The following GPRC5C variants were observed in gnomAD, a reference collection of about 807,000 sequenced individuals.
GPRC5C encodes the protein G protein-coupled receptor family C group 5 member C.
A neutral mutation model predicts 31.4 loss-of-function variants in GPRC5C; 22 were observed. The ratio of observed to expected loss-of-function variants is 0.70; its 90% CI spans 0.50 to 1.00. The LOEUF (loss-of-function observed/expected upper bound fraction) is 1.00. Ranked by LOEUF, GPRC5C falls within the 50% of genes least tolerant of loss-of-function variation. GPRC5C has a pLI of 0.00. For missense variants in GPRC5C, 557 were observed against 597.2 expected, an observed-to-expected ratio of 0.93 and a Z score of 0.70; for synonymous variants, 249 against 257.5, an observed-to-expected ratio of 0.97 and a Z score of 0.32.
At chr17:74,435,379 T>C (rs1377027700) in intron 1 of GPRC5C, among the ~76,000 whole-genome samples, 2 of 152,180 alleles carry the variant, frequency 1.3e-5, no homozygotes. Context: ...CCTGAGTCCA[T>C]GTATTTCTGT....
chr17:74,447,959 A>G (rs1467075695), downstream of GPRC5C, among the ~76,000 whole-genome samples: 6 of 152,230 alleles, frequency 3.9e-5, no homozygotes, highest in African/African-American at 1.2e-4. Context: ...TGGGTTGACA[A>G]AAGTGCAAAG....
chr17:74,448,293 T>A (rs4789663), downstream of GPRC5C, among the ~76,000 whole-genome samples: 4 of 152,192 alleles, frequency 2.6e-5, no homozygotes, highest in East Asian at 1.9e-4. Context: ...AGAGCGAGAC[T>A]CTGTCTCAAA....
At chr17:74,434,794 G>A (rs141929183) in intron 1 of GPRC5C, among the ~76,000 whole-genome samples, 5,627 of 152,196 alleles carry the variant, frequency 0.037, 151 homozygotes, top group Non-Finnish European at 0.052. Context: ...ATGGTGGTGG[G>A]CACCTGTAAT....
chr17:74,437,943 G>C (rs754010360), intron 1 of GPRC5C, among the ~76,000 whole-genome samples: 1 of 151,970 alleles, frequency 6.6e-6, no homozygotes, highest in Non-Finnish European at 1.5e-5. Flanking sequence ...TGAACACGTG[G>C]GGTGACTTAA....
intron 2 of GPRC5C, 110 bp from the exon 3 acceptor site, chr17:74,443,708 G>A (rs767875269): frequency 7.9e-6 from 7 of 889,712 alleles, no homozygotes; most frequent in South Asian, 2.7e-5. Context: ...GGGTTGGCCT[G>A]CCCCCTTTAC....
intron 1 of GPRC5C, among the ~76,000 whole-genome samples, chr17:74,435,047 G>A (rs1283102562): frequency 6.6e-6 from 1 of 151,144 alleles, no homozygotes; most frequent in Non-Finnish European, 1.5e-5. Context: ...GTGAAACCCC[G>A]TCTCTACTAA....
chr17:74,444,016 G>C (rs2055586726), intron 3 of GPRC5C, 104 bp downstream of exon 3: 1 of 773,002 alleles, frequency 1.3e-6, no homozygotes, highest in Non-Finnish European at 2.2e-6. Flanking sequence ...TTGGGTGGAG[G>C]TGGTAAGGGG....
At chr17:74,432,457 G>T in intron 1 of GPRC5C, 1 of 1,049,160 alleles carries the variant, frequency 9.5e-7, no homozygotes, top group Non-Finnish European at 1.2e-6. Flanking sequence ...ACCCCCGCCC[G>T]CCCCCCGCCT....
chr17:74,443,428 G>C (rs2055574198), intron 2 of GPRC5C: 2 of 372,022 alleles, frequency 5.4e-6, no homozygotes, highest in South Asian at 4.2e-5. Context: ...GTGACAGGCA[G>C]AGCTGGAGGC....
At chr17:74,432,338 C>T (rs1245478298) in intron 1 of GPRC5C, 197 bp downstream of exon 1, 1 of 1,422,688 alleles carries the variant, frequency 7.0e-7, no homozygotes, top group Non-Finnish European at 9.2e-7. Flanking sequence ...ACCCAGCGCG[C>T]CTGGCTCAGC....
intron 3 of GPRC5C, chr17:74,446,025 G>T (rs898159423): frequency 1.0e-5 from 1 of 97,722 alleles, no homozygotes; most frequent in African/African-American, 5.2e-5. Context: ...AAAAAAAAAA[G>T]ACTCCAAATC....
chr17:74,438,833 A>G (rs2055482394), intron 1 of GPRC5C, among the ~76,000 whole-genome samples: 1 of 152,200 alleles, frequency 6.6e-6, no homozygotes, highest in East Asian at 1.9e-4. Flanking sequence ...GGAAAATCCA[A>G]TTGGTATTGG....
At chr17:74,437,169 CCTGACCTCGTGAT>C (rs1298460204) in intron 1 of GPRC5C, among the ~76,000 whole-genome samples, 8 of 152,140 alleles carry the variant, frequency 5.3e-5, no homozygotes, top group Non-Finnish European at 1.0e-4. Flanking sequence ...GTCTGGAACT[CCTGACCTCGTGAT>C]CTGCCCGCCA....
chr17:74,443,684 T>G, intron 2 of GPRC5C, 134 bp from the exon 3 acceptor site: 3 of 778,552 alleles, frequency 3.9e-6, no homozygotes, highest in East Asian at 2.6e-5. Flanking sequence ...ACTCCTGGGT[T>G]AGAGACTATG....
chr17:74,443,508 A>T, intron 2 of GPRC5C: 1 of 519,092 alleles, frequency 1.9e-6, no homozygotes, highest in Non-Finnish European at 3.7e-6. Context: ...GCGGATGGGG[A>T]TGTGGAAGTT....
chr17:74,447,361 G>C lies in GPRC5C; in HGVS notation c.*333G>C. ...TGCAACCTCAAGAGACTTCCCAGGC[G>C]CTCAGGCCTGGATCTTGCTCCTCTG... On this transcript the variant is annotated 3_prime_UTR_variant, in exon 4 of 4. Coordinates refer to ENST00000392627, the MANE Select transcript of GPRC5C (RefSeq NM_022036.4). The C allele has an allele frequency of 9.3e-7, 1 of 1,070,322 alleles. No individual in the cohort carries two copies. Among genetic ancestry groups the C allele is most frequent in the Non-Finnish European group, 1.1e-6 (1 of 882,550 alleles). The allele number at this position is 1,070,322 out of a possible 1,614,324, so 66.3% of individuals were successfully genotyped here.
In GPRC5C at chr17:74,440,226, G is replaced by A. The variant is rs769649153; in HGVS notation, c.450G>A (p.Gly150=). 2 of 1,614,182 alleles carry A rather than the reference G, an allele frequency of 1.2e-6. No homozygotes were observed. Among genetic ancestry groups the A allele is most frequent in the African/African-American group, 1.3e-5 (1 of 75,042 alleles). ...ALNFLARKNH[G]PRGWVIFTVA... ...ACTTCCTGGCCCGGAAGAACCACGGGCCCCGGGGCTGGGTGATCTTCACTG... is the reference window on the plus strand; with the variant it reads ...ACTTCCTGGCCCGGAAGAACCACGGACCCCGGGGCTGGGTGATCTTCACTG... The change falls in exon 2 of 4, where the codon GGG becomes GGA. Residue 150 remains glycine, a synonymous_variant. Coordinates refer to ENST00000392627, the MANE Select transcript of GPRC5C (RefSeq NM_022036.4). The surrounding 1 kb of genome is among the most constrained non-coding windows in gnomAD (Gnocchi z 4.4).
downstream of GPRC5C, chr17:74,451,596 C>T (rs1262098046): frequency 1.3e-5 from 2 of 152,024 alleles, no homozygotes; most frequent in African/African-American, 4.8e-5. Flanking sequence ...GGACTTTGGA[C>T]TTAATAACTG....
chr17:74,442,691 C>T (rs2055559386), intron 2 of GPRC5C, among the ~76,000 whole-genome samples: 1 of 152,262 alleles, frequency 6.6e-6, no homozygotes, highest in Admixed American at 6.5e-5. Flanking sequence ...CTCTTCTACA[C>T]ACTGTGAAAT....
Sources: gnomAD v4.1 joint callset for allele counts (sites outside exome capture counted in the v4.1 genomes callset) on GRCh38, gnomAD v4.1.1 for gene constraint, Gnocchi (gnomAD v3.1) non-coding constraint, MANE v1.5 for transcripts, NCBI Gene and HGNC (gene_info 2026-07-23, HGNC 2026-07-21) for gene names.